The following CEP112 variants were observed in gnomAD, a reference collection of about 807,000 sequenced individuals.
The protein encoded by CEP112 is centrosomal protein 112.
Under a neutral mutation model 153.0 loss-of-function variants are expected in CEP112, and 127 were observed. The observed-to-expected ratio is 0.83, with a 90% CI of 0.72 to 0.96. The LOEUF (loss-of-function observed/expected upper bound fraction) is 0.96. Ranked by LOEUF, CEP112 falls within the 40% of genes least tolerant of loss-of-function variation. The pLI, the probability that CEP112 is intolerant of heterozygous loss-of-function variation, is 0.00. For missense variants in CEP112, 1,089 were observed against 1,101.2 expected (o/e 0.99, Z 0.16); for synonymous variants, 358 against 374.4 (o/e 0.96, Z 0.51).
chr17:65,936,966 T>C (rs62063082), intron 18 of CEP112, among the ~76,000 whole-genome samples: 69,983 of 148,212 alleles, frequency 0.47, 17,572 homozygotes, highest in East Asian at 0.89. Flanking sequence ...CAGGCGCACG[T>C]CACCACGCCT....
intron 11 of CEP112, among the ~76,000 whole-genome samples, chr17:66,062,329 C>T (rs1441211240): frequency 1.3e-5 from 2 of 150,746 alleles, no homozygotes; most frequent in Admixed American, 6.6e-5. Flanking sequence ...TTATGGTTTT[C>T]TAATGCACAG....
chr17:66,042,183 TAC>T (rs2066011838), intron 12 of CEP112, among the ~76,000 whole-genome samples: 1 of 152,040 alleles, frequency 6.6e-6, no homozygotes, highest in African/African-American at 2.4e-5. Context: ...ACCCTGTCTC[TAC>T]TGAAAACTAC....
chr17:66,175,186 G>T lies in CEP112; in HGVS notation c.328C>A (p.Arg110=), dbSNP rs774877438. 1 of 1,596,728 alleles carries T rather than the reference G, an allele frequency of 6.3e-7. No individual in the cohort carries two copies. Among genetic ancestry groups the T allele is most frequent in the Non-Finnish European group, 8.5e-7 (1 of 1,173,222 alleles). ...SIYFDEPNPA[R]AKGSSPEGLP... ...CCCTCTGGGCTTGAACCTTTTGCTC[G>T]TGCTGGATTTGGTTCATCAAAATAG... is the stretch of plus-strand genomic sequence containing the variant. Residue 110 remains arginine (R), a synonymous_variant, in exon 4 of 27, where the codon CGA becomes AGA. Coordinates refer to ENST00000535342, the MANE Select transcript of CEP112 (RefSeq NM_001199165.4).
chr17:66,034,400 A>T (rs1479635600), intron 12 of CEP112, among the ~76,000 whole-genome samples: 1 of 152,214 alleles, frequency 6.6e-6, no homozygotes, highest in African/African-American at 2.4e-5. Context: ...CTGGAAATCT[A>T]TTTCTTTTTT....
intron 21 of CEP112, among the ~76,000 whole-genome samples, chr17:65,787,472 T>C (rs1017723595): frequency 4.6e-5 from 7 of 152,188 alleles, no homozygotes; most frequent in African/African-American, 1.4e-4. Context: ...GACAGTGAGA[T>C]CCTGTCTTTA....
intron 24 of CEP112, among the ~76,000 whole-genome samples, chr17:65,682,552 G>A (rs1030931570): frequency 6.6e-6 from 1 of 152,152 alleles, no homozygotes; most frequent in African/African-American, 2.4e-5. Context: ...ACGAATGACT[G>A]AACTGCTCAG....
intron 11 of CEP112, among the ~76,000 whole-genome samples, chr17:66,056,173 C>T (rs2066678050): frequency 6.6e-6 from 1 of 152,144 alleles, no homozygotes; most frequent in Non-Finnish European, 1.5e-5. Flanking sequence ...GTACAGGAGA[C>T]ACCAATGCCC....
chr17:65,951,826 T>G (rs764512058), intron 18 of CEP112, among the ~76,000 whole-genome samples: 4 of 150,560 alleles, frequency 2.7e-5, no homozygotes, highest in Non-Finnish European at 4.4e-5. Context: ...GGTTACTGAT[T>G]TGAGAATTTT....
At chr17:65,772,670 C>T (rs2053438521) in intron 21 of CEP112, among the ~76,000 whole-genome samples, 1 of 151,822 alleles carries the variant, frequency 6.6e-6, no homozygotes, top group Non-Finnish European at 1.5e-5. Context: ...GTTAGTTTTG[C>T]AAACATTTAC....
chr17:66,044,759 T>G (rs2066130716), intron 12 of CEP112, among the ~76,000 whole-genome samples: 1 of 152,132 alleles, frequency 6.6e-6, no homozygotes, highest in Non-Finnish European at 1.5e-5. Flanking sequence ...GATGACAAAA[T>G]TTGGAGCTGG....
chr17:65,971,334 A>G (rs913289673), intron 17 of CEP112, among the ~76,000 whole-genome samples: 28 of 150,994 alleles, frequency 1.9e-4, no homozygotes, highest in Admixed American at 1.7e-3. Flanking sequence ...AAAATATATT[A>G]CATGTATATG....
At chr17:65,672,694 C>G (rs1567843519) in intron 24 of CEP112, among the ~76,000 whole-genome samples, 1 of 152,178 alleles carries the variant, frequency 6.6e-6, no homozygotes, top group East Asian at 1.9e-4. Flanking sequence ...GAGCTGAGAT[C>G]TGAAGCCAGG....
intron 6 of CEP112, among the ~76,000 whole-genome samples, chr17:66,127,799 A>G (rs984139879): frequency 6.6e-6 from 1 of 152,158 alleles, no homozygotes; most frequent in African/African-American, 2.4e-5. Context: ...TCCACTATTT[A>G]AATTAAAACC....
chr17:65,686,768 A>C (rs1025783063), intron 24 of CEP112, among the ~76,000 whole-genome samples: 1 of 152,144 alleles, frequency 6.6e-6, no homozygotes, highest in Non-Finnish European at 1.5e-5. Context: ...GCCCATGGAA[A>C]GTCAATGGCA....
chr17:65,899,381 C>A (rs533462290), intron 20 of CEP112, among the ~76,000 whole-genome samples: 5 of 152,012 alleles, frequency 3.3e-5, no homozygotes, highest in Non-Finnish European at 5.9e-5. Context: ...AGTACTATAA[C>A]AAAAATATAA....
At chr17:65,915,496 G>A (rs897827910) in intron 19 of CEP112, among the ~76,000 whole-genome samples, 15 of 151,996 alleles carry the variant, frequency 9.9e-5, no homozygotes, top group African/African-American at 3.4e-4. Context: ...TTTCAAAAAT[G>A]CAAACTAGGC....
intron 4 of CEP112, among the ~76,000 whole-genome samples, chr17:66,162,081 A>G (rs1344432720): frequency 1.3e-5 from 2 of 152,192 alleles, no homozygotes; most frequent in Admixed American, 1.3e-4. Context: ...CAATACATAT[A>G]TTCAACACAG....
chr17:65,794,949 T>C (rs951023833), intron 21 of CEP112, among the ~76,000 whole-genome samples: 8 of 152,258 alleles, frequency 5.3e-5, no homozygotes, highest in African/African-American at 1.4e-4. Flanking sequence ...TGTTCATTGA[T>C]ATATTCCAAG....
At chr17:65,826,376 T>C in intron 21 of CEP112, 1 of 1,591,962 alleles carries the variant, frequency 6.3e-7, no homozygotes, top group Non-Finnish European at 8.5e-7. Context: ...GCAGAACTTC[T>C]AACAAGAAGC....
Sources: gnomAD v4.1 joint callset for allele counts (sites outside exome capture counted in the v4.1 genomes callset) on GRCh38, gnomAD v4.1.1 for gene constraint, MANE v1.5 for transcripts, NCBI Gene and HGNC (gene_info 2026-07-23, HGNC 2026-07-21) for gene names.